Variants in NR1I2 observed in about 807,000 individuals in gnomAD.
NR1I2 encodes nuclear receptor subfamily 1 group I member 2, also known as orphan nuclear receptor PAR1.
A neutral mutation model predicts 43.3 loss-of-function variants in NR1I2; 42 were observed. The observed-to-expected ratio is 0.97, with a 90% CI of 0.76 to 1.26. The LOEUF (loss-of-function observed/expected upper bound fraction) is 1.26. Among genes scored for constraint, NR1I2 ranks in the 50% most tolerant of loss-of-function variants. The pLI is 0.00. For synonymous variants in NR1I2, 229 were observed against 215.0 expected (o/e 1.06, Z -0.57); for missense variants, 559 against 566.7 (o/e 0.99, Z 0.14).
chr3:119,805,704 C>G (rs1462293582), intron 1 of NR1I2, among the ~76,000 whole-genome samples: 2 of 36,420 alleles, frequency 5.5e-5, no homozygotes, highest in East Asian at 2.7e-3. Context: ...CTTGGTCCCC[C>G]CCTCCCCCCC....
At chr3:119,810,974 A>T (rs1209018402) in intron 3 of NR1I2, 3 of 153,624 alleles carry the variant, frequency 2.0e-5, no homozygotes, top group Non-Finnish European at 2.9e-5. Context: ...GCTAAGCTGT[A>T]GCCCAGCTCT....
intron 1 of NR1I2, among the ~76,000 whole-genome samples, chr3:119,784,776 A>G (rs1226875949): frequency 6.6e-6 from 1 of 152,148 alleles, no homozygotes; most frequent in Non-Finnish European, 1.5e-5. Flanking sequence ...CACCTCTATC[A>G]TGTACTAAAT....
intron 1 of NR1I2, among the ~76,000 whole-genome samples, chr3:119,788,418 A>T (rs566190273): frequency 6.6e-6 from 1 of 151,020 alleles, no homozygotes; most frequent in South Asian, 2.1e-4. Context: ...ATCCCTGGCC[A>T]TCATTATACA....
At chr3:119,784,207 C>T (rs1210667397) in intron 1 of NR1I2, among the ~76,000 whole-genome samples, 3 of 152,236 alleles carry the variant, frequency 2.0e-5, no homozygotes, top group Non-Finnish European at 2.9e-5. Flanking sequence ...CCTCCACACT[C>T]CAAACAATGC....
At chr3:119,812,521 A>G (rs544394280) in intron 4 of NR1I2, among the ~76,000 whole-genome samples, 165 bp from the exon 5 acceptor site, 3 of 152,338 alleles carry the variant, frequency 2.0e-5, no homozygotes, top group Non-Finnish European at 2.9e-5. Context: ...CTGTGTGTGT[A>G]TATGTGTGAG....
chr3:119,811,844 G>A, intron 4 of NR1I2, 118 bp downstream of exon 4: 1 of 988,274 alleles, frequency 1.0e-6, no homozygotes, highest in Admixed American at 2.0e-5. Flanking sequence ...GTGGTGGAGG[G>A]TAGATTTGGA....
At chr3:119,810,582 C>T (rs564129604) in intron 3 of NR1I2, 2 of 260,718 alleles carry the variant, frequency 7.7e-6, no homozygotes, top group Admixed American at 1.0e-4. Context: ...GGTGATAGGA[C>T]CCGGGGCCTT....
At chr3:119,803,965 C>T (rs1306460563) in intron 1 of NR1I2, among the ~76,000 whole-genome samples, 1 of 152,062 alleles carries the variant, frequency 6.6e-6, no homozygotes, top group Non-Finnish European at 1.5e-5. Flanking sequence ...TCCACGTTGG[C>T]CAGGCTAGTC....
chr3:119,810,407 T>G, intron 3 of NR1I2: 2 of 656,818 alleles, frequency 3.0e-6, no homozygotes. Context: ...CGGTAATCTC[T>G]GCCCTGGGAT....
At position 119,811,423 on chromosome 3, in the gene NR1I2, CT is replaced by C. The variant is rs1202840688; in HGVS notation, c.332-113del. On this transcript the variant is annotated intron_variant, in intron 3 of 8. Coordinates refer to ENST00000393716, the MANE Select transcript of NR1I2 (RefSeq NM_003889.4). ...AGGGGAGAATTGCTTGTCACCATTA[CT>C]TTCTCTTTTGCCTAACGGCTTCTGC... 3.0e-6 allele frequency: 3 copies of C among 1,016,404 alleles called. No individual in the cohort carries two copies. In the African/African-American group the frequency reaches 4.9e-5, roughly 17 times the overall value. 63.0% of individuals were successfully genotyped at this position (1,016,404 alleles called of 1,614,324 possible).
chr3:119,810,012 G>A (rs375593337), intron 2 of NR1I2, 49 bp from the exon 3 acceptor site: 39 of 1,612,248 alleles, frequency 2.4e-5, no homozygotes, highest in East Asian at 1.6e-4. Context: ...CCCAGGCCGA[G>A]GGCCCGGGCA....
At chr3:119,813,095 C>CAGCAGCACTGGCTGCCCG in intron 5 of NR1I2, 135 bp downstream of exon 5, 1 of 1,026,378 alleles carries the variant, frequency 9.7e-7, no homozygotes, top group Non-Finnish European at 1.5e-6. Context: ...GCCCTTTCCC[C>CAGCAGCACTGGCTGCCCG]GGGCAGCCAG....
intron 2 of NR1I2, 144 bp from the exon 3 acceptor site, chr3:119,809,917 A>T (rs1366990653): frequency 9.4e-7 from 1 of 1,066,706 alleles, no homozygotes; most frequent in Non-Finnish European, 1.4e-6. Context: ...CTTCCCATAA[A>T]GCCTGACCCA....
chr3:119,815,535 C>A, intron 7 of NR1I2, 96 bp downstream of exon 7: 3 of 1,157,620 alleles, frequency 2.6e-6, no homozygotes, highest in Non-Finnish European at 3.9e-6. Flanking sequence ...TCATTCACTG[C>A]GCAGCCAGGA....
intron 1 of NR1I2, among the ~76,000 whole-genome samples, chr3:119,805,887 T>C (rs1451715761): frequency 1.3e-5 from 2 of 152,130 alleles, no homozygotes; most frequent in African/African-American, 4.8e-5. Context: ...AGGATTATGA[T>C]TTGAAAAATC....
chr3:119,788,665 T>A (rs1451961065), intron 1 of NR1I2, among the ~76,000 whole-genome samples: 1 of 152,182 alleles, frequency 6.6e-6, no homozygotes, highest in Non-Finnish European at 1.5e-5. Flanking sequence ...CTCGAACTCC[T>A]GGCCTCAAAT....
chr3:119,791,951 A>C (rs2054924712), intron 1 of NR1I2: 1 of 678,750 alleles, frequency 1.5e-6, no homozygotes, highest in South Asian at 1.5e-5. Flanking sequence ...GATTCTGTGG[A>C]GTACAGGACA....
At chr3:119,784,185 A>G (rs750601609) in intron 1 of NR1I2, among the ~76,000 whole-genome samples, 32 of 152,332 alleles carry the variant, frequency 2.1e-4, no homozygotes, top group African/African-American at 1.2e-4. Context: ...GCAGAGAAGG[A>G]TAGTTACTGT....
At chr3:119,792,519 C>A in intron 1 of NR1I2, 1 of 1,053,280 alleles carries the variant, frequency 9.5e-7, no homozygotes, top group Non-Finnish European at 1.4e-6. Context: ...AATCTGCCGG[C>A]AGGGCAGTCC....
Sources: allele counts gnomAD v4.1 joint callset (sites outside exome capture counted in the v4.1 genomes callset), GRCh38; gene constraint gnomAD v4.1.1; transcripts MANE v1.5; gene names NCBI Gene and HGNC (gene_info 2026-07-23, HGNC 2026-07-21).